The following PTPN14 variants were observed in gnomAD, a reference collection of about 807,000 sequenced individuals.
PTPN14 encodes protein tyrosine phosphatase non-receptor type 14.
Under a neutral mutation model 126.8 loss-of-function variants are expected in PTPN14, and 53 were observed. The ratio of observed to expected loss-of-function variants is 0.42; its 90% confidence interval spans 0.34 to 0.53. The LOEUF (loss-of-function observed/expected upper bound fraction) is 0.53, where lower values mean the gene tolerates loss of function less well. PTPN14 is among the 20% of genes least tolerant of loss of function. The pLI is 0.08. For synonymous variants in PTPN14, 630 were observed against 599.3 expected (o/e 1.05, Z -0.75); for missense variants, 1,257 against 1,552.9 (o/e 0.81, Z 3.20).
intron 2 of PTPN14, among the ~76,000 whole-genome samples, chr1:214,454,288 T>C (rs779294653): frequency 4.6e-5 from 7 of 152,232 alleles, no homozygotes; most frequent in African/African-American, 7.2e-5. Context: ...GATATTTTTA[T>C]GGTCCACACT....
chr1:214,375,555 A>G (rs1383754201), intron 15 of PTPN14, among the ~76,000 whole-genome samples: 1 of 152,252 alleles, frequency 6.6e-6, no homozygotes, highest in Non-Finnish European at 1.5e-5. Flanking sequence ...ACAGGTACAC[A>G]TGTATCCATA....
chr1:214,402,844 C>A, intron 6 of PTPN14, 39 bp downstream of exon 6: 1 of 1,602,338 alleles, frequency 6.2e-7, no homozygotes, highest in Non-Finnish European at 8.5e-7. Context: ...CTGTAAACAT[C>A]TGTTGTGCAG....
At position 214,383,168 on chromosome 1, in the gene PTPN14, T is replaced by A; in HGVS notation, c.2544+143A>T. ...TCTGAAAGGGCAAAAACTCAACATT[T>A]TGTGTAATAAAGTACTACCTTTTAA... On this transcript the variant is annotated intron_variant, in intron 13 of 18. Transcript: ENST00000366956. This position sits in a 1 kb window ranked among gnomAD's most constrained non-coding sequence, Gnocchi z 4.4. 1 of 1,087,122 alleles carries A rather than the reference T, an allele frequency of 9.2e-7. No homozygotes were observed. The allele number at this position is 1,087,122 out of a possible 1,614,324, so 67.3% of individuals were successfully genotyped here.
chr1:214,547,314 C>T (rs1447315625), intron 1 of PTPN14, among the ~76,000 whole-genome samples: 1 of 152,204 alleles, frequency 6.6e-6, no homozygotes, highest in African/African-American at 2.4e-5. Context: ...ATATGATCTC[C>T]AGCCCTGCAC....
chr1:214,389,424 T>C lies in PTPN14; in HGVS notation c.987+1564A>G, dbSNP rs116746337. 6.0e-3 allele frequency among the ~76,000 whole-genome samples: 912 copies of C among 152,280 alleles called. 12 individuals carry two copies. The highest frequency in any genetic ancestry group is 0.021 in the African/African-American group (860 of 41,548). Reference sequence around the variant, plus strand: ...TTCCATTTCTTCCCAGACCTGCTAATAGAGAAACAAACTTGACGCCAAAAT... The same window carrying C: ...TTCCATTTCTTCCCAGACCTGCTAACAGAGAAACAAACTTGACGCCAAAAT... On this transcript the variant is annotated intron_variant, in intron 11 of 18. Transcript: ENST00000366956.
At chr1:214,421,348 A>G (rs2102593921) in intron 3 of PTPN14, among the ~76,000 whole-genome samples, 1 of 152,324 alleles carries the variant, frequency 6.6e-6, no homozygotes, top group Middle Eastern at 3.4e-3. Flanking sequence ...AGAATAGGCA[A>G]ATTCATAGAG....
At chr1:214,360,765 A>T (rs1487841666) in intron 18 of PTPN14, among the ~76,000 whole-genome samples, 1 of 152,096 alleles carries the variant, frequency 6.6e-6, no homozygotes, top group Non-Finnish European at 1.5e-5. Flanking sequence ...CTTATGACTC[A>T]GTTTCTCTTC....
intron 17 of PTPN14, among the ~76,000 whole-genome samples, chr1:214,367,480 G>T (rs943406139): frequency 6.6e-6 from 1 of 152,170 alleles, no homozygotes; most frequent in Non-Finnish European, 1.5e-5. Flanking sequence ...TTTAGGTCTT[G>T]AGAACCTGTT....
rs186583297 is a variant in PTPN14 at position 214,519,995 on chromosome 1, C to T, written c.-155+31188G>A. On this transcript the variant is annotated intron_variant, in intron 1 of 18. Coordinates refer to ENST00000366956, the MANE Select transcript of PTPN14 (RefSeq NM_005401.5). Reference sequence around the variant, plus strand: ...CCGCGGGGTTCGAGGCCACAGTAAGCTATGATCATGCCACTGCACTCCAGC... The same window carrying T: ...CCGCGGGGTTCGAGGCCACAGTAAGTTATGATCATGCCACTGCACTCCAGC... 4.9e-3 allele frequency among the ~76,000 whole-genome samples: 699 copies of T among 143,310 alleles called. 4 individuals are homozygous for T. Among genetic ancestry groups the T allele is most frequent in the Middle Eastern group, 0.024 (6 of 252 alleles). The allele number at this position is 143,310 out of a possible 152,430, so 94.0% of individuals were successfully genotyped here.
chr1:214,380,347 C>T (rs1254829375), intron 13 of PTPN14, among the ~76,000 whole-genome samples: 1 of 152,172 alleles, frequency 6.6e-6, no homozygotes, highest in Admixed American at 6.5e-5. Flanking sequence ...GATTATTACT[C>T]AGTGATAAAT....
chr1:214,380,413 A>T (rs1047290012), intron 13 of PTPN14, among the ~76,000 whole-genome samples: 5 of 151,692 alleles, frequency 3.3e-5, no homozygotes, highest in African/African-American at 7.3e-5. Context: ...TACCAGAGAT[A>T]AAAAAAATAA....
intron 2 of PTPN14, among the ~76,000 whole-genome samples, chr1:214,459,646 T>G (rs1168446213): frequency 2.0e-5 from 3 of 151,994 alleles, no homozygotes; most frequent in Non-Finnish European, 4.4e-5. Context: ...ATTTTTGTAT[T>G]TTAGTAGGGA....
chr1:214,549,768 G>C (rs1235877835), intron 1 of PTPN14, among the ~76,000 whole-genome samples: 2 of 146,758 alleles, frequency 1.4e-5, no homozygotes, highest in Non-Finnish European at 3.0e-5. Flanking sequence ...ACAGCTGCTT[G>C]TGGTAAAACA....
chr1:214,513,461 G>A (rs948073093), intron 1 of PTPN14, among the ~76,000 whole-genome samples: 2 of 150,042 alleles, frequency 1.3e-5, no homozygotes, highest in Admixed American at 6.6e-5. Context: ...AAAAAAATCT[G>A]ATAGCACTGG....
intron 8 of PTPN14, among the ~76,000 whole-genome samples, chr1:214,395,548 T>C (rs752957133): frequency 1.3e-5 from 2 of 150,070 alleles, no homozygotes; most frequent in Non-Finnish European, 3.0e-5. Context: ...TAAGTATAAA[T>C]TAATTGACTC....
intron 1 of PTPN14, chr1:214,528,189 A>G (rs755193524): frequency 1.2e-4 from 18 of 152,228 alleles, no homozygotes; most frequent in Middle Eastern, 3.2e-3. Context: ...ATAAAAATGT[A>G]TATGTTATTT....
At chr1:214,390,846 G>C in intron 11 of PTPN14, 142 bp downstream of exon 11, 1 of 582,660 alleles carries the variant, frequency 1.7e-6, no homozygotes, top group Middle Eastern at 2.8e-4. Flanking sequence ...GGTGTCCATC[G>C]CATCTGCTTG....
At chr1:214,469,718 G>A (rs879374644) in intron 1 of PTPN14, among the ~76,000 whole-genome samples, 4 of 150,452 alleles carry the variant, frequency 2.7e-5, no homozygotes, top group Non-Finnish European at 5.9e-5. Flanking sequence ...AGCCCTAATG[G>A]AAACTATGGA....
chr1:214,499,435 A>G (rs1654624694), intron 1 of PTPN14, among the ~76,000 whole-genome samples: 1 of 152,166 alleles, frequency 6.6e-6, no homozygotes, highest in African/African-American at 2.4e-5. Flanking sequence ...GAATATATAA[A>G]TAACTATCAA....
Sources: gnomAD v4.1 joint callset for allele counts (sites outside exome capture counted in the v4.1 genomes callset) on GRCh38, gnomAD v4.1.1 for gene constraint, Gnocchi (gnomAD v3.1) non-coding constraint, MANE v1.5 for transcripts, NCBI Gene and HGNC (gene_info 2026-07-23, HGNC 2026-07-21) for gene names.